NCOA1: variants seen among roughly 807,000 people sequenced by gnomAD.
NCOA1 encodes nuclear receptor coactivator 1.
NCOA1 carries 35 observed loss-of-function variants against 150.9 expected under a neutral mutation model. That is an observed-to-expected ratio of 0.23 (90% CI 0.18 to 0.31). The LOEUF (loss-of-function observed/expected upper bound fraction) is 0.31, where lower values mean the gene tolerates loss of function less well. Among genes scored for constraint, NCOA1 ranks in the 10% least tolerant of loss-of-function variants. NCOA1 has a pLI of 1.00. For synonymous variants in NCOA1, 590 were observed against 630.0 expected (o/e 0.94, Z 0.95); for missense variants, 1,491 against 1,749.3 (o/e 0.85, Z 2.63).
chr2:24,539,538 A>G (rs1665304363), intron 1 of NCOA1, among the ~76,000 whole-genome samples: 1 of 152,212 alleles, frequency 6.6e-6, no homozygotes, highest in African/African-American at 2.4e-5. Flanking sequence ...ATAGGAAATC[A>G]GAAGCCATGA....
chr2:24,550,253 T>C (rs771295451), intron 1 of NCOA1, among the ~76,000 whole-genome samples: 6 of 152,228 alleles, frequency 3.9e-5, no homozygotes, highest in Non-Finnish European at 8.8e-5. Flanking sequence ...TATTTTTAGG[T>C]ATCTTTTCAG....
At chr2:24,499,714 A>G (rs1663373801) in intron 1 of NCOA1, among the ~76,000 whole-genome samples, 1 of 152,212 alleles carries the variant, frequency 6.6e-6, no homozygotes, top group Non-Finnish European at 1.5e-5. Flanking sequence ...TTTATAGTTC[A>G]TGATTTATTT....
At chr2:24,753,110 G>T (rs1664330701) in intron 20 of NCOA1, among the ~76,000 whole-genome samples, 1 of 139,424 alleles carries the variant, frequency 7.2e-6, no homozygotes, top group Non-Finnish European at 1.6e-5. Flanking sequence ...TCTCAGTGAG[G>T]ACCATGTATA....
At position 24,585,605 on chromosome 2, in the gene NCOA1, G is replaced by A. The variant is rs184447090; in HGVS notation, c.-175+1045G>A. Among the ~76,000 whole-genome samples, 1,073 of 151,590 alleles carry A rather than the reference G, an allele frequency of 7.1e-3. 12 individuals are homozygous for A. Among genetic ancestry groups the A allele is most frequent in the African/African-American group, 0.024 (1,003 of 41,368 alleles). ...TATGTTTATTGGCTATTGGTCTTTC[G>A]TCTTCTTTAAATATTTTTAAGTATT... On this transcript the variant is annotated intron_variant, in intron 3 of 22. Transcript: ENST00000348332.
rs201521615 is a variant in NCOA1 at position 24,722,519 on chromosome 2, A to AGT, written c.2600-4067_2600-4066dup. 3.5e-4 allele frequency among the ~76,000 whole-genome samples: 53 copies of AGT among 152,302 alleles called. No homozygotes were observed. In the South Asian group the frequency reaches 3.9e-3, roughly 11 times the overall value. ...GTTTTTTTTAAATCAAAAACTAAAA[A>AGT]GTGTACCTATGAGGAAACTTATTTT... On this transcript the variant is annotated intron_variant, in intron 14 of 22. Transcript: ENST00000348332.
chr2:24,496,424 T>G (rs926565977), intron 1 of NCOA1, among the ~76,000 whole-genome samples: 14 of 152,250 alleles, frequency 9.2e-5, no homozygotes, highest in African/African-American at 2.9e-4. Context: ...GTCTTTGCTT[T>G]TACATGTTCC....
intron 2 of NCOA1, among the ~76,000 whole-genome samples, chr2:24,565,043 C>T (rs62142283): frequency 0.15 from 22,390 of 152,138 alleles, 2,013 homozygotes; most frequent in Non-Finnish European, 0.2. Context: ...CACTGTTACT[C>T]CCCATAAGCT....
chr2:24,635,777 C>A (rs1030052838), intron 3 of NCOA1, among the ~76,000 whole-genome samples: 3 of 152,174 alleles, frequency 2.0e-5, no homozygotes, highest in African/African-American at 7.2e-5. Context: ...GCTAATCTAA[C>A]TATAAATCCC....
chr2:24,491,628 G>A (rs1171420355), intron 1 of NCOA1, among the ~76,000 whole-genome samples, 26 bp downstream of exon 1: 3 of 150,154 alleles, frequency 2.0e-5, no homozygotes, highest in Admixed American at 6.6e-5. Context: ...CGGGTGCGGA[G>A]CCTCCCGGTG....
chr2:24,552,911 A>G (rs1297164918), intron 1 of NCOA1, among the ~76,000 whole-genome samples: 1 of 152,196 alleles, frequency 6.6e-6, no homozygotes, highest in Non-Finnish European at 1.5e-5. Context: ...GATTTTCTAT[A>G]TAGACAGTCT....
chr2:24,574,499 A>T (rs1666869952), intron 2 of NCOA1, among the ~76,000 whole-genome samples: 2 of 152,116 alleles, frequency 1.3e-5, no homozygotes, highest in Admixed American at 1.3e-4. Flanking sequence ...TTTCTATTGT[A>T]AGCACAGATT....
At chr2:24,671,710 G>A (rs1474636787) in intron 6 of NCOA1, among the ~76,000 whole-genome samples, 5 of 151,946 alleles carry the variant, frequency 3.3e-5, no homozygotes, top group Non-Finnish European at 5.9e-5. Context: ...ACAGACATGT[G>A]CCACCACGCC....
chr2:24,705,097 G>C lies in NCOA1; in HGVS notation c.961G>C (p.Gly321Arg), dbSNP rs1319385950. ...TCTGTTTGAAACAGTGATGACTCGTGGCACTGCCTCCAGCCCCTCCTATAG... is the reference window on the plus strand; with the variant it reads ...TCTGTTTGAAACAGTGATGACTCGTCGCACTGCCTCCAGCCCCTCCTATAG... ...RQLFQEVMTR[G>R]TASSPSYRFI... Residue 321 changes from glycine (G) to arginine (R), a missense_variant, in exon 12 of 23, where the codon GGC becomes CGC. Transcript: ENST00000348332. 3 of 1,613,456 alleles carry C rather than the reference G, an allele frequency of 1.9e-6. No individual in the cohort carries two copies. The highest frequency in any genetic ancestry group is 2.2e-5 in the East Asian group (1 of 44,878).
chr2:24,537,239 T>C (rs866717666), intron 1 of NCOA1, among the ~76,000 whole-genome samples: 9 of 148,760 alleles, frequency 6.1e-5, no homozygotes, highest in African/African-American at 7.5e-5. Flanking sequence ...CTGTGATACA[T>C]ACACACACAC....
chr2:24,552,781 A>G (rs1380357283), intron 1 of NCOA1, among the ~76,000 whole-genome samples: 2 of 152,154 alleles, frequency 1.3e-5, no homozygotes, highest in African/African-American at 4.8e-5. Context: ...ATTCGTTACT[A>G]CCACTAGAAG....
intron 4 of NCOA1, among the ~76,000 whole-genome samples, chr2:24,645,820 C>G (rs764376671): frequency 4.6e-5 from 7 of 152,066 alleles, no homozygotes; most frequent in Non-Finnish European, 1.0e-4. Flanking sequence ...TCTGTTGTTT[C>G]CAATCAGGAC....
In NCOA1 at chr2:24,514,293, A is replaced by AAG. The variant is rs1412142637; in HGVS notation, c.-396+22692_-396+22693insGA. On this transcript the variant is annotated intron_variant, in intron 1 of 22. Transcript: ENST00000348332. ...AGAGTGAGACTCTGTCTCAAAAAAAAAAAAAAAAAAAAAGGAAAAAAACAA... is the reference window on the plus strand; with the variant it reads ...AGAGTGAGACTCTGTCTCAAAAAAAAAGAAAAAAAAAAAAAGGAAAAAAACAA... Among the ~76,000 whole-genome samples the AAG allele has an allele frequency of 6.0e-5, 9 of 150,420 alleles. No individual in the cohort carries two copies. In the East Asian group the frequency reaches 1.7e-3, roughly 29 times the overall value.
chr2:24,550,137 A>G lies in NCOA1; in HGVS notation c.-395-14158A>G, dbSNP rs951463684. On this transcript the variant is annotated intron_variant, in intron 1 of 22. Transcript: ENST00000348332. ...TCAGCATTTTGGTCAAAGCCATACA[A>G]CAAGTCTCTACAAAGTTTGAAACTT... Among the ~76,000 whole-genome samples, 10 of 152,286 alleles carry G rather than the reference A, an allele frequency of 6.6e-5. No individual in the cohort carries two copies. In the East Asian group the frequency reaches 1.7e-3, roughly 26 times the overall value.
chr2:24,573,131 A>G (rs1666809157), intron 2 of NCOA1, among the ~76,000 whole-genome samples: 2 of 152,120 alleles, frequency 1.3e-5, no homozygotes, highest in Non-Finnish European at 2.9e-5. Flanking sequence ...GATGATCTTA[A>G]ATGAGGAGGC....
Sources: allele counts gnomAD v4.1 joint callset (sites outside exome capture counted in the v4.1 genomes callset), GRCh38; gene constraint gnomAD v4.1.1; transcripts MANE v1.5; gene names NCBI Gene and HGNC (gene_info 2026-07-23, HGNC 2026-07-21).